Variants in OSBPL10 observed in about 807,000 individuals in gnomAD.
OSBPL10 encodes oxysterol-binding protein-related protein 10.
Under a neutral mutation model 81.7 loss-of-function variants are expected in OSBPL10, and 49 were observed. That is an observed-to-expected ratio of 0.60 (90% confidence interval 0.48 to 0.76). The LOEUF (loss-of-function observed/expected upper bound fraction) is 0.76, where lower values mean the gene tolerates loss of function less well. OSBPL10 is among the 30% of genes least tolerant of loss of function. The probability of loss-of-function intolerance (pLI) is 0.00; values close to 1 mark genes in which losing one functional copy is unlikely to be tolerated. For synonymous variants in OSBPL10, 419 were observed against 383.6 expected (o/e 1.09, Z -1.08); for missense variants, 923 against 987.8 (o/e 0.93, Z 0.88).
At chr3:31,663,790 C>T in intron 11 of OSBPL10, 3 of 1,333,198 alleles carry the variant, frequency 2.3e-6, no homozygotes, top group Non-Finnish European at 2.9e-6. Flanking sequence ...AGTCTGCAGT[C>T]CCATCGCGAT....
intron 1 of OSBPL10, among the ~76,000 whole-genome samples, chr3:32,049,428 G>A (rs757247096): frequency 5.3e-5 from 8 of 152,118 alleles, no homozygotes; most frequent in Non-Finnish European, 7.4e-5. Flanking sequence ...TTTTACCCAG[G>A]TAAAGGATAG....
chr3:31,794,555 G>A, intron 4 of OSBPL10: 1 of 351,636 alleles, frequency 2.8e-6, no homozygotes, highest in Middle Eastern at 4.1e-4. Flanking sequence ...CAGAAGAAAT[G>A]GAGTCTCCTT....
At chr3:32,007,099 G>T (rs1699212925) in intron 2 of OSBPL10, among the ~76,000 whole-genome samples, 1 of 151,922 alleles carries the variant, frequency 6.6e-6, no homozygotes, top group African/African-American at 2.4e-5. Flanking sequence ...AAATTCAAAG[G>T]TGTACATTTT....
At chr3:32,029,406 G>A (rs1292113841) in intron 2 of OSBPL10, among the ~76,000 whole-genome samples, 1 of 152,082 alleles carries the variant, frequency 6.6e-6, no homozygotes, top group African/African-American at 2.4e-5. Flanking sequence ...GGTGTTCTAA[G>A]GCTTTTTAAT....
intron 6 of OSBPL10, among the ~76,000 whole-genome samples, chr3:31,723,527 T>A (rs1696717670): frequency 7.0e-6 from 1 of 142,274 alleles, no homozygotes; most frequent in African/African-American, 2.8e-5. Flanking sequence ...CTTACTCACT[T>A]GCTCTGTTTC....
intron 2 of OSBPL10, among the ~76,000 whole-genome samples, chr3:32,013,036 G>A (rs573198430): frequency 5.9e-5 from 9 of 152,186 alleles, no homozygotes; most frequent in Admixed American, 1.3e-4. Flanking sequence ...ACAGATCAAC[G>A]AGGCAGAAAG....
At chr3:31,775,915 G>A (rs1385954175) in intron 4 of OSBPL10, among the ~76,000 whole-genome samples, 2 of 152,112 alleles carry the variant, frequency 1.3e-5, no homozygotes, top group Non-Finnish European at 2.9e-5. Context: ...GGTTGAGGAT[G>A]TAGGGGATTA....
intron 4 of OSBPL10, among the ~76,000 whole-genome samples, chr3:31,788,116 C>T (rs1698906281): frequency 6.6e-6 from 1 of 152,000 alleles, no homozygotes; most frequent in Admixed American, 6.6e-5. Context: ...GAAAAGGTGA[C>T]TCTGGAATAA....
intron 6 of OSBPL10, among the ~76,000 whole-genome samples, chr3:31,715,594 A>G (rs1199530667): frequency 2.0e-5 from 3 of 152,240 alleles, no homozygotes; most frequent in African/African-American, 4.8e-5. Context: ...GAAACACCAC[A>G]GAACAATTTT....
At chr3:31,981,352 A>AG, upstream of OSBPL10, 1 of 1,166,464 alleles carries the variant, frequency 8.6e-7, no homozygotes, top group South Asian at 3.4e-5. This position sits in a 1 kb window ranked among gnomAD's most constrained non-coding sequence, Gnocchi z 4.5. Context: ...AGAGCTGGGA[A>AG]GGAAGCCAAC....
chr3:31,989,129 T>C, intron 2 of OSBPL10: 3 of 1,614,184 alleles, frequency 1.9e-6, no homozygotes, highest in Non-Finnish European at 1.7e-6. Context: ...GAGCCAGGCA[T>C]GGCTCTTCCT....
At chr3:31,705,735 A>G (rs1378417038) in intron 6 of OSBPL10, among the ~76,000 whole-genome samples, 3 of 152,034 alleles carry the variant, frequency 2.0e-5, no homozygotes, top group Non-Finnish European at 4.4e-5. Flanking sequence ...ACAAAGTCCT[A>G]CTTGTCTCCT....
At chr3:31,909,135 T>C (rs1308355811) in intron 1 of OSBPL10, among the ~76,000 whole-genome samples, 3 of 152,242 alleles carry the variant, frequency 2.0e-5, no homozygotes, top group Admixed American at 6.5e-5. Context: ...TAGAGGTTAA[T>C]GAGCAAAGTA....
chr3:31,902,549 C>T (rs1696278328), intron 1 of OSBPL10, among the ~76,000 whole-genome samples: 1 of 151,938 alleles, frequency 6.6e-6, no homozygotes, highest in African/African-American at 2.4e-5. Context: ...AGGCATGAGC[C>T]ACTGCGCCCA....
intron 5 of OSBPL10, among the ~76,000 whole-genome samples, chr3:31,737,665 C>G (rs1009268126): frequency 2.0e-5 from 3 of 152,068 alleles, no homozygotes; most frequent in South Asian, 2.1e-4. Context: ...TCTGCAGTTG[C>G]AAAAGACACA....
At chr3:31,810,204 A>C (rs555765775) in intron 4 of OSBPL10, among the ~76,000 whole-genome samples, 1 of 152,258 alleles carries the variant, frequency 6.6e-6, no homozygotes, top group Admixed American at 6.5e-5. Flanking sequence ...TTCTTATTTA[A>C]AAAAAGTCAA....
chr3:31,937,664 C>A (rs9862535), intron 1 of OSBPL10, among the ~76,000 whole-genome samples: 4,533 of 150,738 alleles, frequency 0.03, 248 homozygotes, highest in African/African-American at 0.11. Flanking sequence ...GATCCCCACC[C>A]TCCTACACCT....
Position 31,833,656 on chromosome 3 carries a change from G to A in OSBPL10, c.538-3425C>T, listed in dbSNP as rs576071609. 2.7e-5 allele frequency among the ~76,000 whole-genome samples: 4 copies of A among 148,020 alleles called. No individual in the cohort carries two copies. In the South Asian group the frequency reaches 8.8e-4, roughly 33 times the overall value. On this transcript the variant is annotated intron_variant, in intron 3 of 11. Transcript: ENST00000396556. The stretch of plus-strand genomic sequence containing the variant: ...CCAAAACATAATTAAATACTTACAG[G>A]GTCAGCCATTAAATATCAAGATTGT...
chr3:31,942,988 TATCA>T (rs1377311631), intron 1 of OSBPL10, among the ~76,000 whole-genome samples: 1 of 152,216 alleles, frequency 6.6e-6, no homozygotes, highest in Non-Finnish European at 1.5e-5. Context: ...ATTCTGTAAC[TATCA>T]ATCAATAACT....
Sources: allele counts gnomAD v4.1 joint callset (sites outside exome capture counted in the v4.1 genomes callset), GRCh38; gene constraint gnomAD v4.1.1; non-coding constraint Gnocchi (gnomAD v3.1); transcripts MANE v1.5; gene names NCBI Gene and HGNC (gene_info 2026-07-23, HGNC 2026-07-21).